DLG2: variants seen among roughly 807,000 people sequenced by gnomAD.
The protein encoded by DLG2 is disks large homolog 2.
Under a neutral mutation model 132.5 loss-of-function variants are expected in DLG2, and 45 were observed. The observed-to-expected ratio is 0.34, with a 90% CI of 0.27 to 0.44. The LOEUF is 0.44. Ranked by LOEUF, DLG2 falls within the 20% of genes least tolerant of loss-of-function variation. The pLI, the probability that DLG2 is intolerant of heterozygous loss-of-function variation, is 1.00. For missense variants in DLG2, 1,045 were observed against 1,196.9 expected, an observed-to-expected ratio of 0.87 and a Z score of 1.87; for synonymous variants, 424 against 419.6, an observed-to-expected ratio of 1.01 and a Z score of -0.13.
At chr11:84,874,467 AGG>A (rs2086000585) in intron 6 of DLG2, among the ~76,000 whole-genome samples, 2 of 152,186 alleles carry the variant, frequency 1.3e-5, no homozygotes, top group African/African-American at 4.8e-5. Context: ...TAAGGCTGGC[AGG>A]GGGTAATCAC....
intron 4 of DLG2, among the ~76,000 whole-genome samples, chr11:85,159,485 G>A (rs1043297170): frequency 2.0e-5 from 3 of 152,176 alleles, no homozygotes; most frequent in Non-Finnish European, 4.4e-5. Flanking sequence ...GGAGATTAGT[G>A]CCAACACCAA....
chr11:84,165,598 C>G (rs1318280675), intron 8 of DLG2, among the ~76,000 whole-genome samples: 1 of 152,122 alleles, frequency 6.6e-6, no homozygotes, highest in Non-Finnish European at 1.5e-5. Flanking sequence ...TGCAATGTAA[C>G]TTTGCTTTTA....
chr11:83,672,150 T>G (rs1482429814), intron 18 of DLG2, among the ~76,000 whole-genome samples: 2 of 151,912 alleles, frequency 1.3e-5, no homozygotes, highest in South Asian at 2.1e-4. Flanking sequence ...CTTCTTTCCT[T>G]TCCTTCCCTT....
At chr11:83,592,245 C>G (rs1162318691) in intron 19 of DLG2, among the ~76,000 whole-genome samples, 1 of 151,230 alleles carries the variant, frequency 6.6e-6, no homozygotes, top group African/African-American at 2.4e-5. Context: ...TCAAACTATA[C>G]TACAAGGCTA....
At chr11:85,078,944 T>C (rs1038048822) in intron 6 of DLG2, among the ~76,000 whole-genome samples, 2 of 152,110 alleles carry the variant, frequency 1.3e-5, no homozygotes, top group African/African-American at 4.8e-5. Context: ...GTTAAGGACA[T>C]GCCTGTGACA....
intron 6 of DLG2, among the ~76,000 whole-genome samples, chr11:85,087,270 G>A (rs915375522): frequency 5.3e-5 from 8 of 152,168 alleles, no homozygotes; most frequent in African/African-American, 1.9e-4. Context: ...AAGTAATTAG[G>A]AGTATGAGAG....
intron 4 of DLG2, among the ~76,000 whole-genome samples, chr11:85,225,517 TC>T (rs1447392426): frequency 1.3e-5 from 2 of 152,070 alleles, no homozygotes; most frequent in African/African-American, 4.8e-5. Context: ...CCTCTTTCTT[TC>T]CAAAGTTAAC....
chr11:84,392,034 T>G (rs1012323865), intron 7 of DLG2, among the ~76,000 whole-genome samples: 2 of 152,190 alleles, frequency 1.3e-5, no homozygotes, highest in Admixed American at 1.3e-4. Flanking sequence ...ATTTGGTATC[T>G]ACCTAATGGA....
chr11:84,982,447 A>G (rs753255927), intron 6 of DLG2, among the ~76,000 whole-genome samples: 3 of 152,084 alleles, frequency 2.0e-5, no homozygotes, highest in Non-Finnish European at 4.4e-5. Context: ...TCTCCTCCTT[A>G]AAACCCCATG....
At chr11:84,333,952 T>C (rs1264030963) in intron 7 of DLG2, among the ~76,000 whole-genome samples, 1 of 152,202 alleles carries the variant, frequency 6.6e-6, no homozygotes, top group Admixed American at 6.5e-5. Flanking sequence ...GTGTCATGTG[T>C]CAGAGGTGGT....
At chr11:85,124,660 T>C (rs568063426) in intron 5 of DLG2, among the ~76,000 whole-genome samples, 15 of 152,202 alleles carry the variant, frequency 9.9e-5, no homozygotes, top group Non-Finnish European at 2.2e-4. Context: ...CATACATACA[T>C]GCAACAAGAC....
Position 85,125,031 on chromosome 11 carries a change from C to T in DLG2, c.283-13296G>A, listed in dbSNP as rs147504163. Among the ~76,000 whole-genome samples the T allele has an allele frequency of 5.0e-3, 765 of 152,184 alleles. 2 individuals are homozygous for T. Among genetic ancestry groups the T allele is most frequent in the Non-Finnish European group, 9.0e-3 (609 of 67,982 alleles). ...ATTTTTAGTAGATACGGGGTTTCAC[C>T]GTGTTAGCCAGGATGGTCTCGATCT... On this transcript the variant is annotated intron_variant, in intron 5 of 27. Coordinates refer to ENST00000376104, the MANE Select transcript of DLG2 (RefSeq NM_001142699.3).
chr11:83,868,367 G>A (rs905983693), intron 16 of DLG2, among the ~76,000 whole-genome samples: 1 of 151,994 alleles, frequency 6.6e-6, no homozygotes, highest in Admixed American at 6.6e-5. Context: ...AATCTTTTTG[G>A]GGGGAGCAGT....
At chr11:85,430,556 A>G (rs2091104463) in intron 3 of DLG2, among the ~76,000 whole-genome samples, 1 of 152,160 alleles carries the variant, frequency 6.6e-6, no homozygotes, top group African/African-American at 2.4e-5. Context: ...GGAGATATTA[A>G]TGATATCTTA....
At chr11:84,273,201 T>C (rs771630830) in intron 7 of DLG2, 11 of 1,572,184 alleles carry the variant, frequency 7.0e-6, no homozygotes, top group Middle Eastern at 1.7e-4. Context: ...AAGGAAGCAA[T>C]AGTATCCCAC....
intron 6 of DLG2, among the ~76,000 whole-genome samples, chr11:85,054,421 G>A (rs1207688706): frequency 6.6e-6 from 1 of 152,174 alleles, no homozygotes; most frequent in Non-Finnish European, 1.5e-5. Context: ...CACTGCTCGT[G>A]AGAATGTAAA....
intron 3 of DLG2, among the ~76,000 whole-genome samples, chr11:85,478,036 T>C (rs892969006): frequency 2.0e-5 from 3 of 151,850 alleles, no homozygotes; most frequent in African/African-American, 7.3e-5. Flanking sequence ...AGAGACAGCT[T>C]TCGTTCTGTC....
intron 16 of DLG2, among the ~76,000 whole-genome samples, chr11:83,862,123 A>C (rs2154051132): frequency 6.6e-6 from 1 of 152,358 alleles, no homozygotes; most frequent in East Asian, 1.9e-4. Flanking sequence ...TCAGTATATC[A>C]AAGATATCTG....
At chr11:83,585,772 G>A (rs984514612) in intron 19 of DLG2, among the ~76,000 whole-genome samples, 1 of 152,170 alleles carries the variant, frequency 6.6e-6, no homozygotes, top group African/African-American at 2.4e-5. Flanking sequence ...AAATTCTGAA[G>A]CTTTGAGTAT....
Sources: allele counts gnomAD v4.1 joint callset (sites outside exome capture counted in the v4.1 genomes callset), GRCh38; gene constraint gnomAD v4.1.1; transcripts MANE v1.5; gene names NCBI Gene and HGNC (gene_info 2026-07-23, HGNC 2026-07-21).